The following FOXD3 variants were observed in gnomAD, a reference collection of about 807,000 sequenced individuals.
FOXD3 encodes the protein forkhead box protein D3.
A neutral mutation model predicts 3.6 loss-of-function variants in FOXD3; 3 were observed. The observed-to-expected ratio is 0.84, with a 90% CI of 0.38 to 2.18. The LOEUF is 2.18. Among genes scored for constraint, FOXD3 ranks in the 30% most tolerant of loss-of-function variants. The pLI is 0.06. For missense variants in FOXD3, 686 were observed against 731.6 expected (o/e 0.94, Z 0.72); for synonymous variants, 391 against 360.9 (o/e 1.08, Z -0.94).
chr1:63,324,157 C>T lies in FOXD3; in HGVS notation c.1099C>T (p.Leu367Phe), dbSNP rs1647054777. The T allele has an allele frequency of 6.3e-6, 9 of 1,434,368 alleles. No individual in the cohort carries two copies. Among genetic ancestry groups the T allele is most frequent in the South Asian group, 5.7e-5 (4 of 69,994 alleles). The allele number at this position is 1,434,368 out of a possible 1,614,324, so 88.9% of individuals were successfully genotyped here. Residue 367 changes from leucine (L) to phenylalanine (F), a missense_variant, in exon 1 of 1, where the codon CTC becomes TTC. Physicochemically the swap from Leu to Phe is conservative, Grantham distance 22. This residue lies in a region of FOXD3 where 370 missense variants were observed against 372.3 expected (regional missense o/e 0.99). Transcript: ENST00000371116. This position sits in a 1 kb window ranked among gnomAD's most constrained non-coding sequence, Gnocchi z 4.1. The part of the protein sequence containing the change: ...TAGAAGTTAS[L>F]IKSEPSARPS... Reference sequence around the variant, plus strand: ...GGGCGCCGCGGGCACCACCGCGTCGCTCATCAAGTCCGAGCCAAGCGCGCG... The same window carrying T: ...GGGCGCCGCGGGCACCACCGCGTCGTTCATCAAGTCCGAGCCAAGCGCGCG...
Position 63,324,057 on chromosome 1 carries a change from C to A in FOXD3, c.999C>A (p.Phe333Leu). The A allele has an allele frequency of 7.2e-7, 1 of 1,393,764 alleles. No individual in the cohort carries two copies. Among genetic ancestry groups the A allele is most frequent in the Non-Finnish European group, 9.2e-7 (1 of 1,082,146 alleles). The allele number at this position is 1,393,764 out of a possible 1,614,324, so 86.3% of individuals were successfully genotyped here. The change falls in exon 1 of 1, where the codon TTC (phenylalanine) becomes TTA (leucine). Residue 333 changes from phenylalanine to leucine, a missense_variant. This residue lies in a region of FOXD3 where 370 missense variants were observed against 372.3 expected (regional missense o/e 0.99). Coordinates refer to ENST00000371116, the MANE Select transcript of FOXD3 (RefSeq NM_012183.3). The surrounding 1 kb of genome is among the most constrained non-coding windows in gnomAD (Gnocchi z 4.1). ...SGELGRKAAA[F>L]GSQLGPGLQL... ...AGCTGGGCCGCAAAGCGGCCGCCTT[C>A]GGCTCACAGCTCGGCCCGGGCCTGC...
chr1:63,322,684 G>T lies in FOXD3; in HGVS notation c.-375G>T. 7 of 977,900 alleles carry T rather than the reference G, an allele frequency of 7.2e-6. 1 individual carries two copies. In the South Asian group the frequency reaches 3.3e-4, roughly 46 times the overall value. The allele number at this position is 977,900 out of a possible 1,614,324, so 60.6% of individuals were successfully genotyped here. A position where few individuals can be genotyped will look rare whatever the true frequency, so the allele number is the denominator to read the frequency against. On this transcript the variant is annotated 5_prime_UTR_variant, in exon 1 of 1. Transcript: ENST00000371116. ...AGCTGCTCGGCGCCCGGCGTCCCGC[G>T]CCCGCCTGGACCGCTCCTGCGCCCC...
chr1:63,323,040 C>A lies in FOXD3; in HGVS notation c.-19C>A. 6.6e-7 allele frequency: 1 copy of A among 1,521,234 alleles called. No homozygotes were observed. Among genetic ancestry groups the A allele is most frequent in the Non-Finnish European group, 8.8e-7 (1 of 1,138,440 alleles). 94.2% of individuals were successfully genotyped at this position (1,521,234 alleles called of 1,614,324 possible). On this transcript the variant is annotated 5_prime_UTR_variant, in exon 1 of 1. Coordinates refer to ENST00000371116, the MANE Select transcript of FOXD3 (RefSeq NM_012183.3). The surrounding 1 kb of genome is among the most constrained non-coding windows in gnomAD (Gnocchi z 6.8). ...GCCCGCTGCCCCCTCCCCGCCGCCG[C>A]TACCAACCCCGAGGAGGGATGACCC...
chr1:63,322,597 T>C lies in FOXD3; in HGVS notation c.-462T>C. 1 of 978,926 alleles carries C rather than the reference T, an allele frequency of 1.0e-6. No homozygotes were observed. Among genetic ancestry groups the C allele is most frequent in the Non-Finnish European group, 1.2e-6 (1 of 822,802 alleles). The allele number at this position is 978,926 out of a possible 1,614,324, so 60.6% of individuals were successfully genotyped here. On this transcript the variant is annotated 5_prime_UTR_variant, in exon 1 of 1. Coordinates refer to ENST00000371116, the MANE Select transcript of FOXD3 (RefSeq NM_012183.3). Reference sequence around the variant, plus strand: ...AAACGGGACTTTCGACTACCGGGGCTTCGGCGTCCCTGACACCCAGCCCCC... The same window carrying C: ...AAACGGGACTTTCGACTACCGGGGCCTCGGCGTCCCTGACACCCAGCCCCC...
Position 63,323,089 on chromosome 1 carries a change from G to T in FOXD3, c.31G>T (p.Asp11Tyr). 1 of 1,558,306 alleles carries T rather than the reference G, an allele frequency of 6.4e-7. No individual in the cohort carries two copies. Among genetic ancestry groups the T allele is most frequent in the Non-Finnish European group, 8.7e-7 (1 of 1,154,776 alleles). Residue 11 changes from aspartate to tyrosine, a missense_variant, in exon 1 of 1, where the codon GAC becomes TAC. By Grantham distance (160) the Asp-to-Tyr change is radical. Transcript: ENST00000371116. The surrounding 1 kb of genome is among the most constrained non-coding windows in gnomAD (Gnocchi z 6.8). MTLSGGGSASDMSGQTVLTAE... is the reference protein window; with the variant it reads MTLSGGGSASYMSGQTVLTAE... ...CCTCTCCGGCGGCGGCAGCGCCAGC[G>T]ACATGTCCGGCCAGACGGTGCTGAC...
chr1:63,323,354 C>A lies in FOXD3; in HGVS notation c.296C>A (p.Pro99Gln). The A allele has an allele frequency of 7.4e-7, 1 of 1,344,878 alleles. No homozygotes were observed. The highest frequency in any genetic ancestry group is 9.5e-7 in the Non-Finnish European group (1 of 1,050,408). 83.3% of individuals were successfully genotyped at this position (1,344,878 alleles called of 1,614,324 possible). ...GGACCGGGGGGCGACGTGGGCGCGC[C>A]GGAGGCGGACGGCTGCAAGGGCGGT... The part of the protein sequence containing the change: ...GAGPGGDVGA[P>Q]EADGCKGGVG... The change falls in exon 1 of 1, where the codon CCG (proline) becomes CAG (glutamine). Residue 99 changes from proline to glutamine, a missense_variant. Transcript: ENST00000371116. This position sits in a 1 kb window ranked among gnomAD's most constrained non-coding sequence, Gnocchi z 6.8.
At position 63,324,144 on chromosome 1, in the gene FOXD3, C is replaced by T. The variant is rs1270526488; in HGVS notation, c.1086C>T (p.Gly362=). 1 of 1,433,712 alleles carries T rather than the reference C, an allele frequency of 7.0e-7. No homozygotes were observed. Among genetic ancestry groups the T allele is most frequent in the Admixed American group, 3.7e-5 (1 of 27,252 alleles). 88.8% of individuals were successfully genotyped at this position (1,433,712 alleles called of 1,614,324 possible). Residue 362 remains glycine, a synonymous_variant, in exon 1 of 1, where the codon GGC becomes GGT. Coordinates refer to ENST00000371116, the MANE Select transcript of FOXD3 (RefSeq NM_012183.3). This position sits in a 1 kb window ranked among gnomAD's most constrained non-coding sequence, Gnocchi z 4.1. ...AAAAGTAGAA[G]TTASLIKSEP... is the part of the protein sequence containing the mutation. ...CTGCGGGCACAGCGGGCGCCGCGGG[C>T]ACCACCGCGTCGCTCATCAAGTCCG... is the stretch of plus-strand genomic sequence containing the variant.
At position 63,323,865 on chromosome 1, in the gene FOXD3, A is replaced by ACCCTACGGCCGC. The variant is rs532147202; in HGVS notation, c.818_829dup (p.Arg273_Gly276dup). ...TGGCGGCGGCGGCCGGCGCCGCGGG[A>ACCCTACGGCCGC]CCCTACGGCCGCCCCTACGGCCTGC... On this transcript the variant is annotated inframe_insertion, in exon 1 of 1. Coordinates refer to ENST00000371116, the MANE Select transcript of FOXD3 (RefSeq NM_012183.3). This position sits in a 1 kb window ranked among gnomAD's most constrained non-coding sequence, Gnocchi z 6.8. 2,946 of 1,550,824 alleles carry ACCCTACGGCCGC rather than the reference A, an allele frequency of 1.9e-3. 7 individuals carry two copies. Among genetic ancestry groups the ACCCTACGGCCGC allele is most frequent in the South Asian group, 3.6e-3 (307 of 84,880 alleles).
In FOXD3 at chr1:63,323,813, T is replaced by C. The variant is rs369566771; in HGVS notation, c.755T>C (p.Met252Thr). ...QEHLREQTAL[M>T]MQSFGAYSLA... ...CACCTGCGCGAGCAGACGGCGCTCA[T>C]GATGCAGAGCTTCGGCGCTTACAGC... Residue 252 changes from methionine (M) to threonine (T), a missense_variant, in exon 1 of 1, where the codon ATG becomes ACG. Met to Thr is a moderately conservative substitution (Grantham distance 81). Transcript: ENST00000371116. This position sits in a 1 kb window ranked among gnomAD's most constrained non-coding sequence, Gnocchi z 6.8. 9 of 1,610,034 alleles carry C rather than the reference T, an allele frequency of 5.6e-6. No individual in the cohort carries two copies. The highest frequency in any genetic ancestry group is 1.1e-5 in the South Asian group (1 of 90,938).
rs1647056710 is a variant in FOXD3 at position 63,324,296 on chromosome 1, CGCAGT to C, written c.1239_1243del (p.Gln414ValfsTer34). 1.9e-5 allele frequency: 30 copies of C among 1,545,290 alleles called. No homozygotes were observed. The highest frequency in any genetic ancestry group is 2.6e-5 in the Non-Finnish European group (30 of 1,155,078). ...GGGGGTTCAGGGGGCGGCAGCACGG[CGCAGT>C]CGTTTCTGCGGCCACCCGGGACCGT... On this transcript the variant is annotated frameshift_variant, in exon 1 of 1. Transcript: ENST00000371116. LOFTEE classifies it high-confidence loss of function. This position sits in a 1 kb window ranked among gnomAD's most constrained non-coding sequence, Gnocchi z 4.1.
chr1:63,324,239 C>T lies in FOXD3; in HGVS notation c.1181C>T (p.Ser394Leu). 1 of 1,443,324 alleles carries T rather than the reference C, an allele frequency of 6.9e-7. No homozygotes were observed. Among genetic ancestry groups the T allele is most frequent in the Non-Finnish European group, 9.0e-7 (1 of 1,109,632 alleles). 89.4% of individuals were successfully genotyped at this position (1,443,324 alleles called of 1,614,324 possible). A position where few individuals can be genotyped will look rare whatever the true frequency, so the allele number is the denominator to read the frequency against. Residue 394 changes from serine (S) to leucine (L), a missense_variant, in exon 1 of 1, where the codon TCG (serine) becomes TTG (leucine). Ser to Leu is a moderately radical substitution (Grantham distance 145). Coordinates refer to ENST00000371116, the MANE Select transcript of FOXD3 (RefSeq NM_012183.3). The surrounding 1 kb of genome is among the most constrained non-coding windows in gnomAD (Gnocchi z 4.1). Reference protein sequence around the residue: ...IGGGPAAPGGSAVGAGVAGGT... With the variant: ...IGGGPAAPGGLAVGAGVAGGT... ...GGGGGCCCCGCGGCTCCTGGGGGCT[C>T]GGCGGTGGGCGCTGGGGTCGCCGGC... is the stretch of plus-strand genomic sequence containing the variant.
At position 63,323,498 on chromosome 1, in the gene FOXD3, T is replaced by C; in HGVS notation, c.440T>C (p.Ile147Thr). Residue 147 changes from isoleucine (I) to threonine (T), a missense_variant, in exon 1 of 1, where the codon ATC becomes ACC. Physicochemically the swap from Ile to Thr is moderately conservative, Grantham distance 89. This residue lies in a region of FOXD3 where 84 missense variants were observed against 145.2 expected (regional missense o/e 0.58). Transcript: ENST00000371116. This position sits in a 1 kb window ranked among gnomAD's most constrained non-coding sequence, Gnocchi z 6.8. ...CTAGTGAAGCCGCCTTACTCGTACA[T>C]CGCGCTCATCACCATGGCCATCCTG... ...NSLVKPPYSY[I>T]ALITMAILQS... The C allele has an allele frequency of 6.2e-7, 1 of 1,613,892 alleles. No homozygotes were observed. Among genetic ancestry groups the C allele is most frequent in the South Asian group, 1.1e-5 (1 of 91,080 alleles).
chr1:63,325,010 G>A lies in FOXD3; in HGVS notation c.*515G>A, dbSNP rs1647065308. ...TTTAAATATAAAAAATTTTCAAAAAGGCAAAAAGTGTCATTCTATTATAAA... is the reference window on the plus strand; with the variant it reads ...TTTAAATATAAAAAATTTTCAAAAAAGCAAAAAGTGTCATTCTATTATAAA... On this transcript the variant is annotated 3_prime_UTR_variant, in exon 1 of 1. Transcript: ENST00000371116. 6.0e-6 allele frequency: 1 copy of A among 167,700 alleles called. No homozygotes were observed. The highest frequency in any genetic ancestry group is 2.4e-5 in the African/African-American group (1 of 41,398). 10.4% of individuals were successfully genotyped at this position (167,700 alleles called of 1,614,324 possible).
In FOXD3 at chr1:63,324,408, G is replaced by T. The variant is rs1345526420; in HGVS notation, c.1350G>T (p.Val450=). ...CCACCATCGCGCCCATTCTTAGCGT[G>T]CCACTCTCCGGACAGTTTCTGCAGC... The part of the protein sequence containing the change: ...TTATIAPILS[V]PLSGQFLQPA... The change falls in exon 1 of 1, where the codon GTG becomes GTT. Residue 450 remains valine, a synonymous_variant. Transcript: ENST00000371116. The surrounding 1 kb of genome is among the most constrained non-coding windows in gnomAD (Gnocchi z 4.1). 3.8e-6 allele frequency: 6 copies of T among 1,582,450 alleles called. No homozygotes were observed. Among genetic ancestry groups the T allele is most frequent in the South Asian group, 1.1e-5 (1 of 88,212 alleles).
In FOXD3 at chr1:63,324,539, A is replaced by T. The variant is rs2100341406; in HGVS notation, c.*44A>T. On this transcript the variant is annotated 3_prime_UTR_variant, in exon 1 of 1. Transcript: ENST00000371116. The surrounding 1 kb of genome is among the most constrained non-coding windows in gnomAD (Gnocchi z 4.1). ...GACCCAGGGTCCGGCGGCGGCCTCG[A>T]GCAACAAATGCACCTCCAGGCTGCG... 1 of 1,430,760 alleles carries T rather than the reference A, an allele frequency of 7.0e-7. No homozygotes were observed. Among genetic ancestry groups the T allele is most frequent in the Admixed American group, 2.1e-5 (1 of 48,122 alleles). The allele number at this position is 1,430,760 out of a possible 1,614,324, so 88.6% of individuals were successfully genotyped here. A position where few individuals can be genotyped will look rare whatever the true frequency, so the allele number is the denominator to read the frequency against.
In FOXD3 at chr1:63,323,922, C is replaced by T; in HGVS notation, c.864C>T (p.His288=). 7.9e-7 allele frequency: 1 copy of T among 1,271,784 alleles called. No individual in the cohort carries two copies. The highest frequency in any genetic ancestry group is 1.6e-5 in the African/African-American group (1 of 63,974). 78.8% of individuals were successfully genotyped at this position (1,271,784 alleles called of 1,614,324 possible). The change falls in exon 1 of 1, where the codon CAC becomes CAT. Residue 288 remains histidine, a synonymous_variant. Coordinates refer to ENST00000371116, the MANE Select transcript of FOXD3 (RefSeq NM_012183.3). This position sits in a 1 kb window ranked among gnomAD's most constrained non-coding sequence, Gnocchi z 6.8. ...CGGCGGCGGCCGGTGCCTATTCGCA[C>T]CCGGCAGCGGCGGCGGCCGCGGCTG... The part of the protein sequence containing the change: ...HPAAAAGAYS[H]PAAAAAAAAA...
chr1:63,322,650 G>T lies in FOXD3; in HGVS notation c.-409G>T. On this transcript the variant is annotated 5_prime_UTR_variant, in exon 1 of 1. Coordinates refer to ENST00000371116, the MANE Select transcript of FOXD3 (RefSeq NM_012183.3). ...CCCCCCCGCTACTGTCCCTGCCCGC[G>T]CCCTCCCGAGCTGCTCGGCGCCCGG... 1.0e-6 allele frequency: 1 copy of T among 955,430 alleles called. No homozygotes were observed. Among genetic ancestry groups the T allele is most frequent in the Non-Finnish European group, 1.2e-6 (1 of 802,912 alleles). 59.2% of individuals were successfully genotyped at this position (955,430 alleles called of 1,614,324 possible). A position where few individuals can be genotyped will look rare whatever the true frequency, so the allele number is the denominator to read the frequency against.
chr1:63,324,341 T>A lies in FOXD3; in HGVS notation c.1283T>A (p.Leu428His), dbSNP rs779948483. 116 of 1,584,988 alleles carry A rather than the reference T, an allele frequency of 7.3e-5. 1 individual carries two copies. The highest frequency in any genetic ancestry group is 7.2e-5 in the Non-Finnish European group (85 of 1,174,400). The part of the protein sequence containing the change: ...RPPGTVQSAA[L>H]MATHQPLSLS... ...CCCGGGACCGTGCAGTCGGCAGCGC[T>A]CATGGCCACCCACCAACCGCTGTCG... The change falls in exon 1 of 1, where the codon CTC (leucine) becomes CAC (histidine). Residue 428 changes from leucine to histidine, a missense_variant. Transcript: ENST00000371116. This position sits in a 1 kb window ranked among gnomAD's most constrained non-coding sequence, Gnocchi z 4.1.
Position 63,323,241 on chromosome 1 carries a change from G to T in FOXD3, c.183G>T (p.Val61=). 1 of 1,522,048 alleles carries T rather than the reference G, an allele frequency of 6.6e-7. No homozygotes were observed. The allele number at this position is 1,522,048 out of a possible 1,614,324, so 94.3% of individuals were successfully genotyped here. ...TGCGCCTGGACGAGGCGGACGAGGT[G>T]CCCCCGGCGGCACCCCATCACGGAC... ...PELRLDEADE[V]PPAAPHHGQP... is the part of the protein sequence containing the mutation. Residue 61 remains valine, a synonymous_variant, in exon 1 of 1, where the codon GTG becomes GTT. Coordinates refer to ENST00000371116, the MANE Select transcript of FOXD3 (RefSeq NM_012183.3). The surrounding 1 kb of genome is among the most constrained non-coding windows in gnomAD (Gnocchi z 6.8).
Sources: gnomAD v4.1 joint callset for allele counts on GRCh38, gnomAD v4.1.1 for gene constraint, gnomAD v4.1.1 regional missense constraint, Gnocchi (gnomAD v3.1) non-coding constraint, MANE v1.5 for transcripts, NCBI Gene and HGNC (gene_info 2026-07-23, HGNC 2026-07-21) for gene names.